The following PUDP variants were observed in gnomAD, a reference collection of about 807,000 sequenced individuals.
PUDP encodes the protein pseudouridine 5'-phosphatase.
Under a neutral mutation model 9.4 loss-of-function variants are expected in PUDP, and 8 were observed. The ratio of observed to expected loss-of-function variants is 0.85; its 90% CI spans 0.50 to 1.53. The LOEUF (loss-of-function observed/expected upper bound fraction) is 1.53. PUDP is among the 40% of genes most tolerant of loss of function. The pLI, the probability that PUDP is intolerant of heterozygous loss-of-function variation, is 0.00. For synonymous variants in PUDP, 99 were observed against 80.7 expected (o/e 1.23, Z -1.22); for missense variants, 188 against 189.7 (o/e 0.99, Z 0.05).
At chrX:7,110,422 T>C (rs1329863883) in intron 1 of PUDP, among the ~76,000 whole-genome samples, 1 of 112,502 alleles carries the variant, frequency 8.9e-6, no homozygotes, top group Admixed American at 9.4e-5. Context: ...CAGGGAGCTG[T>C]ACCTGCTTAC....
chrX:6,773,773 C>T (rs951910392), intron 3 of PUDP, among the ~76,000 whole-genome samples: 2 of 111,336 alleles, frequency 1.8e-5, no homozygotes, highest in African/African-American at 6.5e-5. Context: ...GGCAATGACC[C>T]GATGACCCAA....
chrX:7,034,876 C>G, intron 1 of PUDP, among the ~76,000 whole-genome samples: 1 of 54,551 alleles, frequency 1.8e-5, no homozygotes, highest in East Asian at 5.6e-4. Flanking sequence ...CTGAGTTTTT[C>G]ATAAACATCA....
intron 3 of PUDP, among the ~76,000 whole-genome samples, chrX:6,904,124 G>A (rs1397955713): frequency 9.2e-6 from 1 of 108,933 alleles, no homozygotes; most frequent in African/African-American, 3.3e-5. Context: ...GCTAATTGCT[G>A]TATTTTTAGT....
intron 3 of PUDP, among the ~76,000 whole-genome samples, chrX:6,852,541 T>C (rs1240342078): frequency 8.9e-6 from 1 of 112,175 alleles, no homozygotes; most frequent in African/African-American, 3.2e-5. Context: ...TTAAGTTTTG[T>C]AAAACAGCCA....
At chrX:6,798,925 G>A (rs908838956) in intron 3 of PUDP, among the ~76,000 whole-genome samples, 6 of 111,229 alleles carry the variant, frequency 5.4e-5, no homozygotes, top group Admixed American at 9.6e-5. Context: ...AGCTGTAACT[G>A]TAGGTTCACA....
At chrX:6,823,457 C>T (rs1448506983) in intron 3 of PUDP, among the ~76,000 whole-genome samples, 3 of 111,789 alleles carry the variant, frequency 2.7e-5, no homozygotes, top group Non-Finnish European at 5.6e-5. Flanking sequence ...CATCTCTTCT[C>T]TCTGAGAATG....
At chrX:6,891,404 A>G (rs1472434987) in intron 3 of PUDP, among the ~76,000 whole-genome samples, 1 of 111,754 alleles carries the variant, frequency 8.9e-6, no homozygotes, top group Non-Finnish European at 1.9e-5. Flanking sequence ...GCAAGCTAAC[A>G]TGTGGTTTCT....
intron 1 of PUDP, among the ~76,000 whole-genome samples, chrX:7,109,421 A>AT (rs1309279263): frequency 3.6e-5 from 4 of 112,300 alleles, no homozygotes; most frequent in Non-Finnish European, 7.5e-5. Flanking sequence ...AGGCAGGACG[A>AT]TGGAGGTGCT....
At chrX:6,986,920 C>G (rs946414815) in intron 1 of PUDP, among the ~76,000 whole-genome samples, 2 of 112,341 alleles carry the variant, frequency 1.8e-5, no homozygotes, top group Non-Finnish European at 3.8e-5. Context: ...TTGCCAATCT[C>G]AGACCTGTTA....
chrX:7,008,556 T>G (rs1309789368), intron 1 of PUDP, among the ~76,000 whole-genome samples: 1 of 111,429 alleles, frequency 9.0e-6, no homozygotes, highest in Admixed American at 9.5e-5. Context: ...TCTCTGGAAG[T>G]AGGAAAATGC....
intron 3 of PUDP, among the ~76,000 whole-genome samples, chrX:6,864,612 A>T (rs1238977233): frequency 1.8e-5 from 2 of 111,416 alleles, no homozygotes; most frequent in African/African-American, 6.5e-5. Context: ...AGTGAATCTC[A>T]CTGGGCTAAA....
chrX:6,721,517 A>G (rs2146655445), exon 1 of PUDP: 1 of 112,516 alleles, frequency 8.9e-6, no homozygotes, highest in Non-Finnish European at 1.9e-5. Context: ...GCTGAAAACC[A>G]TGTTGGTAAT....
rs187323177 is a variant in PUDP, at chrX:7,092,598, G to A, written c.280+13022C>T. Among the ~76,000 whole-genome samples, 64 of 111,935 alleles carry A rather than the reference G, an allele frequency of 5.7e-4. No homozygotes were observed. In the South Asian group the frequency reaches 0.013, roughly 22 times the overall value. On this transcript the variant is annotated intron_variant, in intron 2 of 3. Transcript: ENST00000381077. Reference sequence around the variant, plus strand: ...ACTCTCTAAGGAATCCTCTAGAAAGGAGAGAGTAAGACTTTCCCTGTATTC... The same window carrying A: ...ACTCTCTAAGGAATCCTCTAGAAAGAAGAGAGTAAGACTTTCCCTGTATTC...
At chrX:6,768,461 T>C (rs770363661) in intron 3 of PUDP, among the ~76,000 whole-genome samples, 1 of 112,024 alleles carries the variant, frequency 8.9e-6, no homozygotes, top group Non-Finnish European at 1.9e-5. Context: ...TTAGCTACAA[T>C]GGTTATAATG....
chrX:6,797,409 A>G (rs1320660123), intron 3 of PUDP, among the ~76,000 whole-genome samples: 1 of 111,455 alleles, frequency 9.0e-6, no homozygotes, highest in African/African-American at 3.3e-5. Flanking sequence ...TTATTTGCAT[A>G]GTAATGGTGC....
intron 3 of PUDP, among the ~76,000 whole-genome samples, chrX:6,799,823 C>T (rs1383453577): frequency 1.8e-5 from 2 of 110,316 alleles, no homozygotes; most frequent in Non-Finnish European, 3.8e-5. Context: ...ACAACAAGAG[C>T]GAAACTCTGT....
rs748586910 is a variant in PUDP, at chrX:7,128,691, T to G, written c.61+19362A>C. Among the ~76,000 whole-genome samples, 6 of 111,775 alleles carry G rather than the reference T, an allele frequency of 5.4e-5. No homozygotes were observed. In the South Asian group the frequency reaches 2.3e-3, roughly 43 times the overall value. ...GGAACCTCCTCAGGTGCATAAAGGTTGTGTGAATATGGGAGTGAATAACCT... is the reference window on the plus strand; with the variant it reads ...GGAACCTCCTCAGGTGCATAAAGGTGGTGTGAATATGGGAGTGAATAACCT... On this transcript the variant is annotated intron_variant, in intron 1 of 3. Coordinates refer to ENST00000381077, the MANE Select transcript of PUDP (RefSeq NM_012080.5).
intron 1 of PUDP, among the ~76,000 whole-genome samples, chrX:7,132,070 C>T (rs1358631725): frequency 9.1e-6 from 1 of 110,075 alleles, no homozygotes; most frequent in Non-Finnish European, 1.9e-5. Context: ...AGATCATGTC[C>T]ACCCCCGCCC....
At chrX:7,130,209 G>A (rs1486812238) in intron 1 of PUDP, among the ~76,000 whole-genome samples, 5 of 111,003 alleles carry the variant, frequency 4.5e-5, no homozygotes, top group African/African-American at 1.6e-4. Flanking sequence ...TTGTGAGTTC[G>A]GCACCCTTAC....
Sources: allele counts gnomAD v4.1 joint callset (sites outside exome capture counted in the v4.1 genomes callset), GRCh38; gene constraint gnomAD v4.1.1; transcripts MANE v1.5; gene names NCBI Gene and HGNC (gene_info 2026-07-23, HGNC 2026-07-21).